The following CYP4F2 variants were observed in gnomAD, a reference collection of about 807,000 sequenced individuals.
CYP4F2 encodes the protein cytochrome P450 4F2.
A neutral mutation model predicts 58.9 loss-of-function variants in CYP4F2; 58 were observed. That is an observed-to-expected ratio of 0.98 (90% confidence interval 0.80 to 1.23). CYP4F2 has a LOEUF of 1.23. CYP4F2 is among the 50% of genes most tolerant of loss of function. CYP4F2 has a pLI of 0.00. For synonymous variants in CYP4F2, 287 were observed against 261.1 expected, an observed-to-expected ratio of 1.10 and a Z score of -0.95; for missense variants, 616 against 685.6, an observed-to-expected ratio of 0.90 and a Z score of 1.13.
Position 15,891,010 on chromosome 19 carries a change from T to C in CYP4F2, c.526-577A>G, listed in dbSNP as rs138978310. 4.8e-3 allele frequency among the ~76,000 whole-genome samples: 729 copies of C among 152,330 alleles called. 11 individuals carry two copies. The highest frequency in any genetic ancestry group is 0.016 in the African/African-American group (682 of 41,574). Reference sequence around the variant, plus strand: ...ATGTTGGATTTCCCCGTCTGCATTGTTATAAATTGATTTCAAAAATATCCC... The same window carrying C: ...ATGTTGGATTTCCCCGTCTGCATTGCTATAAATTGATTTCAAAAATATCCC... On this transcript the variant is annotated intron_variant, in intron 5 of 12. Coordinates refer to ENST00000221700, the MANE Select transcript of CYP4F2 (RefSeq NM_001082.5).
chr19:15,879,335 G>C lies in CYP4F2; in HGVS notation c.1397+11C>G. The C allele has an allele frequency of 6.2e-7, 1 of 1,613,970 alleles. No homozygotes were observed. Among genetic ancestry groups the C allele is most frequent in the Non-Finnish European group, 8.5e-7 (1 of 1,179,900 alleles). On this transcript the variant is annotated intron_variant, in intron 12 of 12. Transcript: ENST00000221700. ...CAACCCGTTCCCACCTCAGACACAG[G>C]CCGCCCTTACCTGGGCCCTGCCGAG... is the stretch of plus-strand genomic sequence containing the variant.
chr19:15,879,167 A>G (rs957656532), intron 12 of CYP4F2, among the ~76,000 whole-genome samples, 179 bp downstream of exon 12: 2 of 152,126 alleles, frequency 1.3e-5, no homozygotes, highest in African/African-American at 4.8e-5. Flanking sequence ...AGCACACCAC[A>G]GACCCTTCTA....
chr19:15,889,472 T>G lies in CYP4F2; in HGVS notation c.869A>C (p.Lys290Thr), dbSNP rs2089402764. The change falls in exon 7 of 13, where the codon AAG (lysine) becomes ACG (threonine). Residue 290 changes from lysine to threonine, a missense_variant. By Grantham distance (78) the Lys-to-Thr change is moderately conservative. Transcript: ENST00000221700. ...SQGVDDFLQAKAKSKTLDFID... is the reference protein window; with the variant it reads ...SQGVDDFLQATAKSKTLDFID... ...GAAGTCCAAAGTCTTGGATTTGGCC[T>G]TGGCTTGGAGGAAGTCATCAACACC... 1.2e-6 allele frequency: 2 copies of G among 1,614,068 alleles called. No individual in the cohort carries two copies. The highest frequency in any genetic ancestry group is 3.3e-5 in the Admixed American group (2 of 60,000).
chr19:15,884,520 G>T (rs949848655), intron 9 of CYP4F2, among the ~76,000 whole-genome samples: 2 of 152,096 alleles, frequency 1.3e-5, no homozygotes, highest in Non-Finnish European at 2.9e-5. Context: ...AAATATTTCA[G>T]GCGACAGATA....
chr19:15,897,442 C>A lies in CYP4F2; in HGVS notation c.170G>T (p.Arg57Leu), dbSNP rs868834988. 1 of 1,613,814 alleles carries A rather than the reference C, an allele frequency of 6.2e-7. No homozygotes were observed. The highest frequency in any genetic ancestry group is 8.5e-7 in the Non-Finnish European group (1 of 1,179,906). The change falls in exon 2 of 13, where the codon CGG becomes CTG. Residue 57 changes from arginine (R) to leucine (L), a missense_variant. Coordinates refer to ENST00000221700, the MANE Select transcript of CYP4F2 (RefSeq NM_001082.5). ...GCCCTGGTGTCCCCAAAACCAGTTC[C>A]GTCTTGGGGGTTGTGGGAAACACCG... ...RLRCFPQPPR[R>L]NWFWGHQGMV...
chr19:15,888,385 CTT>C (rs2089395530), intron 7 of CYP4F2, among the ~76,000 whole-genome samples: 1 of 151,308 alleles, frequency 6.6e-6, no homozygotes, highest in African/African-American at 2.4e-5. Context: ...AAGTCACAAA[CTT>C]AGAAACACAG....
In CYP4F2 at chr19:15,889,604, A is replaced by G; in HGVS notation, c.737T>C (p.Leu246Pro). Residue 246 changes from leucine (L) to proline (P), a missense_variant, in exon 7 of 13, where the codon CTG becomes CCG. Physicochemically the swap from Leu to Pro is moderately conservative, Grantham distance 98. Coordinates refer to ENST00000221700, the MANE Select transcript of CYP4F2 (RefSeq NM_001082.5). ...HHEILLHIDF[L>P]YYLTPDGQRF... ...CTGCCCATCAGGGGTGAGATAATAC[A>G]GGAAGTCAATATGCAGGAGGATCTC... The G allele has an allele frequency of 6.2e-7, 1 of 1,614,222 alleles. No homozygotes were observed. Among genetic ancestry groups the G allele is most frequent in the Non-Finnish European group, 8.5e-7 (1 of 1,180,044 alleles).
In CYP4F2 at chr19:15,878,649, T is replaced by C; in HGVS notation, c.*122A>G. The C allele has an allele frequency of 8.0e-7, 1 of 1,242,414 alleles. No homozygotes were observed. Among genetic ancestry groups the C allele is most frequent in the Non-Finnish European group, 1.1e-6 (1 of 910,948 alleles). 77.0% of individuals were successfully genotyped at this position (1,242,414 alleles called of 1,614,324 possible). On this transcript the variant is annotated 3_prime_UTR_variant, in exon 13 of 13. Coordinates refer to ENST00000221700, the MANE Select transcript of CYP4F2 (RefSeq NM_001082.5). ...TCTGTTTGAACACTTGTCTCAATTATTTTGAGTAGATATCTAGGATGGAAT... is the reference window on the plus strand; with the variant it reads ...TCTGTTTGAACACTTGTCTCAATTACTTTGAGTAGATATCTAGGATGGAAT...
intron 5 of CYP4F2, 118 bp downstream of exon 5, chr19:15,892,191 T>C (rs1486903801): frequency 1.3e-6 from 2 of 1,507,796 alleles, no homozygotes; most frequent in Non-Finnish European, 1.8e-6. Flanking sequence ...AAACCAAGGC[T>C]CAGTGAGAAA....
intron 5 of CYP4F2, 54 bp from the exon 6 acceptor site, chr19:15,890,487 T>C (rs2089410246): frequency 1.9e-6 from 3 of 1,600,422 alleles, no homozygotes; most frequent in Non-Finnish European, 1.7e-6. Flanking sequence ...CTTGAGCACC[T>C]CTCCAACCCC....
intron 9 of CYP4F2, among the ~76,000 whole-genome samples, chr19:15,880,525 G>A (rs1404257301): frequency 1.3e-5 from 2 of 152,038 alleles, no homozygotes; most frequent in African/African-American, 4.8e-5. Context: ...CTACTCGGGA[G>A]GCTGAGGCAA....
Position 15,892,422 on chromosome 19 carries a change from G to A in CYP4F2, c.412C>T (p.Leu138=). 1 of 1,614,198 alleles carries A rather than the reference G, an allele frequency of 6.2e-7. No homozygotes were observed. The highest frequency in any genetic ancestry group is 8.5e-7 in the Non-Finnish European group (1 of 1,180,032). Residue 138 remains leucine, a synonymous_variant, in exon 5 of 13, where the codon CTG becomes TTG. Coordinates refer to ENST00000221700, the MANE Select transcript of CYP4F2 (RefSeq NM_001082.5). The stretch of plus-strand genomic sequence containing the variant: ...CGGCTCCACTTGTCACCAGCACTCA[G>A]CAGGAGCCCATCCCCTAGCAGGGCA... ...LEPWLGDGLL[L]SAGDKWSRHR...
At chr19:15,897,677 G>A in intron 1 of CYP4F2, 65 bp from the exon 2 acceptor site, 1 of 1,582,816 alleles carries the variant, frequency 6.3e-7, no homozygotes, top group South Asian at 1.1e-5. Flanking sequence ...GGACCTCCAG[G>A]GACAGTGGAG....
rs369463527 is a variant in CYP4F2 at position 15,894,496 on chromosome 19, A to G, written c.343+1010T>C. On this transcript the variant is annotated intron_variant, in intron 3 of 12. Transcript: ENST00000221700. ...CCTTGATAGGAAAAGCGACATGGAG[A>G]AAGCTAAAGCCAAGAGAGAAAGACA... 7.9e-5 allele frequency among the ~76,000 whole-genome samples: 12 copies of G among 152,332 alleles called. No homozygotes were observed. The East Asian group carries it at 1.5e-3, about 20-fold the overall frequency.
At chr19:15,886,097 C>T (rs3093160) in intron 8 of CYP4F2, 44 bp from the exon 9 acceptor site, 248,707 of 1,606,998 alleles carry the variant, frequency 0.15, 20,384 homozygotes, top group Middle Eastern at 0.18. Flanking sequence ...GCTGCTTCAG[C>T]ACCCGAAGGT....
At chr19:15,890,979 C>T (rs906566286) in intron 5 of CYP4F2, among the ~76,000 whole-genome samples, 4 of 152,122 alleles carry the variant, frequency 2.6e-5, no homozygotes, top group Non-Finnish European at 5.9e-5. Flanking sequence ...GGTATGTGAT[C>T]AATAAATGTT....
intron 3 of CYP4F2, among the ~76,000 whole-genome samples, chr19:15,895,228 G>A (rs1599357462): frequency 6.6e-6 from 1 of 152,264 alleles, no homozygotes; most frequent in East Asian, 1.9e-4. Context: ...TCTCTATCCA[G>A]GTCCATCTCC....
chr19:15,893,303 G>C (rs527261019), intron 3 of CYP4F2, among the ~76,000 whole-genome samples: 1 of 152,126 alleles, frequency 6.6e-6, no homozygotes, highest in African/African-American at 2.4e-5. Flanking sequence ...ACAACCCCCA[G>C]ACCTCACACA....
At chr19:15,886,676 A>C (rs549583784) in intron 7 of CYP4F2, among the ~76,000 whole-genome samples, 3 of 152,328 alleles carry the variant, frequency 2.0e-5, no homozygotes, top group Non-Finnish European at 4.4e-5. Context: ...CACATTCTAG[A>C]GTGATAAATC....
Sources: allele counts gnomAD v4.1 joint callset (sites outside exome capture counted in the v4.1 genomes callset), GRCh38; gene constraint gnomAD v4.1.1; transcripts MANE v1.5; gene names NCBI Gene and HGNC (gene_info 2026-07-23, HGNC 2026-07-21).